The following CCDC91 variants were observed in gnomAD, a reference collection of about 807,000 sequenced individuals.
The protein encoded by CCDC91 is coiled-coil domain-containing protein 91.
A neutral mutation model predicts 63.2 loss-of-function variants in CCDC91; 48 were observed. The observed-to-expected ratio is 0.76, with a 90% CI of 0.60 to 0.97. The LOEUF (loss-of-function observed/expected upper bound fraction) is 0.97, where lower values mean the gene tolerates loss of function less well. Ranked by LOEUF, CCDC91 falls within the 50% of genes least tolerant of loss-of-function variation. The pLI is 0.00. For missense variants in CCDC91, 500 were observed against 494.6 expected (o/e 1.01, Z -0.10); for synonymous variants, 167 against 165.8 (o/e 1.01, Z -0.06).
chr12:28,245,411 T>G (rs1945663124), intron 1 of CCDC91, among the ~76,000 whole-genome samples: 2 of 152,232 alleles, frequency 1.3e-5, no homozygotes, highest in African/African-American at 4.8e-5. Flanking sequence ...TAAAATTTCC[T>G]TGTAGTAAAT....
chr12:28,484,099 G>C lies in CCDC91; in HGVS notation c.1149G>C (p.Lys383Asn), dbSNP rs1397218605. The C allele has an allele frequency of 2.5e-6, 4 of 1,611,738 alleles. No homozygotes were observed. The highest frequency in any genetic ancestry group is 3.4e-6 in the Non-Finnish European group (4 of 1,178,888). ...TAGAAGAGCAGAAACGAAGTGAAAA[G>C]GCTGTGGAAGAGGCAGTGAAAAGAA... Reference protein sequence around the residue: ...AIIEEQKRSEKAVEEAVKRTR... With the variant: ...AIIEEQKRSENAVEEAVKRTR... Residue 383 changes from lysine to asparagine, a missense_variant, in exon 12 of 13, where the codon AAG becomes AAC. Physicochemically the swap from Lys to Asn is moderately conservative, Grantham distance 94. Transcript: ENST00000536442.
intron 3 of CCDC91, among the ~76,000 whole-genome samples, chr12:28,275,666 A>C (rs1948157414): frequency 6.6e-6 from 1 of 152,040 alleles, no homozygotes; most frequent in South Asian, 2.1e-4. Flanking sequence ...GAGACACAAC[A>C]AAAAAAGAGA....
intron 8 of CCDC91, 39 bp from the exon 9 acceptor site, chr12:28,450,122 C>G (rs1226942125): frequency 5.9e-6 from 7 of 1,188,550 alleles, no homozygotes; most frequent in African/African-American, 1.6e-5. Flanking sequence ...AGATACCTGT[C>G]TCAGAGCCAT....
chr12:28,407,964 A>T (rs201882742), intron 8 of CCDC91, among the ~76,000 whole-genome samples: 84,046 of 126,756 alleles, frequency 0.66, 24,907 homozygotes, highest in East Asian at 0.73. Context: ...ATATATATAT[A>T]TTTTTTTTAT....
intron 1 of CCDC91, among the ~76,000 whole-genome samples, chr12:28,222,117 T>A (rs907171289): frequency 6.6e-6 from 1 of 152,204 alleles, no homozygotes; most frequent in Admixed American, 6.5e-5. Context: ...TTCTAGTTGC[T>A]TTTTCTCATC....
intron 3 of CCDC91, among the ~76,000 whole-genome samples, chr12:28,298,159 G>T (rs1223415846): frequency 6.6e-6 from 1 of 151,598 alleles, no homozygotes; most frequent in Admixed American, 6.6e-5. Context: ...ATTGGATTTG[G>T]GTTATGAAAC....
intron 12 of CCDC91, among the ~76,000 whole-genome samples, chr12:28,487,558 A>G (rs1592821408): frequency 1.3e-5 from 2 of 151,862 alleles, no homozygotes; most frequent in African/African-American, 4.8e-5. Context: ...AATTAGGGCA[A>G]CTCACATCTA....
chr12:28,543,145 C>T lies in CCDC91; in HGVS notation c.1216-5918C>T, dbSNP rs531424905. The stretch of plus-strand genomic sequence containing the variant: ...GTCTCTGTTTCTCTTCGTGTAAAGA[C>T]ACTAGTGATTGGATTGAAGCCCTAC... On this transcript the variant is annotated intron_variant, in intron 12 of 12. Coordinates refer to ENST00000536442, the MANE Select transcript of CCDC91 (RefSeq NM_018318.5). 5.9e-5 allele frequency among the ~76,000 whole-genome samples: 9 copies of T among 152,116 alleles called. No individual in the cohort carries two copies. The South Asian group carries it at 1.9e-3, about 32-fold the overall frequency.
intron 1 of CCDC91, among the ~76,000 whole-genome samples, chr12:28,220,611 C>A (rs1404346946): frequency 6.6e-6 from 1 of 151,684 alleles, no homozygotes; most frequent in African/African-American, 2.4e-5. Flanking sequence ...CTCAATATTT[C>A]TTTTAGTACA....
At chr12:28,252,647 T>C (rs1946198865) in intron 1 of CCDC91, among the ~76,000 whole-genome samples, 1 of 152,166 alleles carries the variant, frequency 6.6e-6, no homozygotes, top group African/African-American at 2.4e-5. Flanking sequence ...AACTATCTTC[T>C]GTTGTTAACT....
At chr12:28,255,391 G>C (rs1204943661) in intron 1 of CCDC91, among the ~76,000 whole-genome samples, 2 of 152,130 alleles carry the variant, frequency 1.3e-5, no homozygotes, top group African/African-American at 2.4e-5. Flanking sequence ...ACATGTGGAA[G>C]AGATAAAGTT....
chr12:28,329,667 G>T (rs1238377937), intron 6 of CCDC91, among the ~76,000 whole-genome samples: 1 of 151,894 alleles, frequency 6.6e-6, no homozygotes, highest in Admixed American at 6.6e-5. Flanking sequence ...TGCACAACGC[G>T]CAGGTTTGTT....
rs566385758 is a variant in CCDC91, at chr12:28,360,463, G to A, written c.577-1975G>A. On this transcript the variant is annotated intron_variant, in intron 6 of 12. Coordinates refer to ENST00000536442, the MANE Select transcript of CCDC91 (RefSeq NM_018318.5). ...GCAGAGGCAGTGCCAGTTGCAGCACGTGTCTTCTGCTGTCATCTTAGGCAG... is the reference window on the plus strand; with the variant it reads ...GCAGAGGCAGTGCCAGTTGCAGCACATGTCTTCTGCTGTCATCTTAGGCAG... Among the ~76,000 whole-genome samples the A allele has an allele frequency of 9.2e-5, 14 of 152,284 alleles. No individual in the cohort carries two copies. In the East Asian group the frequency reaches 9.6e-4, roughly 10 times the overall value.
chr12:28,195,347 A>C (rs1451069935), intron 1 of CCDC91, among the ~76,000 whole-genome samples: 2 of 152,236 alleles, frequency 1.3e-5, no homozygotes, highest in African/African-American at 4.8e-5. Flanking sequence ...AGCTAGACAC[A>C]GACTCTGATT....
At position 28,253,002 on chromosome 12, in the gene CCDC91, A is replaced by G. The variant is rs918791971; in HGVS notation, c.-14-4200A>G. Among the ~76,000 whole-genome samples the G allele has an allele frequency of 6.6e-5, 10 of 152,312 alleles. 1 individual carries two copies. The highest frequency in any genetic ancestry group is 3.9e-4 in the Admixed American group (6 of 15,284). On this transcript the variant is annotated intron_variant, in intron 1 of 12. Coordinates refer to ENST00000536442, the MANE Select transcript of CCDC91 (RefSeq NM_018318.5). ...CACAATGTTTTAAGTAAAATGCCCA[A>G]TGTAACACAGTAAGTGGCAGAGCTG...
At chr12:28,465,683 G>A (rs1188113143) in intron 11 of CCDC91, among the ~76,000 whole-genome samples, 1 of 152,126 alleles carries the variant, frequency 6.6e-6, no homozygotes, top group South Asian at 2.1e-4. Flanking sequence ...TATTTGGAAA[G>A]CCTTCCCCAG....
intron 6 of CCDC91, among the ~76,000 whole-genome samples, chr12:28,326,590 C>G (rs1226538591): frequency 1.4e-5 from 2 of 138,744 alleles, no homozygotes; most frequent in Non-Finnish European, 3.0e-5. Flanking sequence ...GTGATGTTTC[C>G]CTTCCTGTGT....
intron 7 of CCDC91, among the ~76,000 whole-genome samples, chr12:28,385,710 TCTG>T (rs1180880733): frequency 6.6e-6 from 1 of 152,172 alleles, no homozygotes; most frequent in African/African-American, 2.4e-5. Flanking sequence ...CTTAGACACA[TCTG>T]CTCTGCAAAT....
At chr12:28,437,965 A>G (rs1948995504) in intron 8 of CCDC91, among the ~76,000 whole-genome samples, 1 of 152,150 alleles carries the variant, frequency 6.6e-6, no homozygotes, top group Non-Finnish European at 1.5e-5. Flanking sequence ...AGTTTATAAA[A>G]TAGACATGCA....
Sources: allele counts gnomAD v4.1 joint callset (sites outside exome capture counted in the v4.1 genomes callset), GRCh38; gene constraint gnomAD v4.1.1; transcripts MANE v1.5; gene names NCBI Gene and HGNC (gene_info 2026-07-23, HGNC 2026-07-21).